The following ZNF548 variants were observed in gnomAD, a reference collection of about 807,000 sequenced individuals.
The protein encoded by ZNF548 is zinc finger protein 548.
Under a neutral mutation model 10.2 loss-of-function variants are expected in ZNF548, and 10 were observed. That is an observed-to-expected ratio of 0.98 (90% CI 0.60 to 1.66). The LOEUF (loss-of-function observed/expected upper bound fraction) is 1.66, where lower values mean the gene tolerates loss of function less well. Among genes scored for constraint, ZNF548 ranks in the 40% most tolerant of loss-of-function variants. The probability of loss-of-function intolerance (pLI) is 0.00; values close to 1 mark genes in which losing one functional copy is unlikely to be tolerated. For synonymous variants in ZNF548, 217 were observed against 223.5 expected, an observed-to-expected ratio of 0.97 and a Z score of 0.26; for missense variants, 599 against 657.0, an observed-to-expected ratio of 0.91 and a Z score of 0.97.
At chr19:57,397,392 C>T (rs566747951) in intron 3 of ZNF548, 1 of 626,362 alleles carries the variant, frequency 1.6e-6, no homozygotes, top group East Asian at 3.0e-5. Context: ...CAAGAAAGGG[C>T]TCAAGAGCCA....
rs375080359 is a variant in ZNF548, at chr19:57,394,252, C to T, written c.51+29C>T. 437 of 1,596,492 alleles carry T rather than the reference C, an allele frequency of 2.7e-4. 1 individual carries two copies. The African/African-American group carries it at 5.0e-3, about 18-fold the overall frequency. On this transcript the variant is annotated intron_variant, in intron 2 of 3. Transcript: ENST00000336128. The stretch of plus-strand genomic sequence containing the variant: ...AGTAGAGTGTTTCCTACTATTCACC[C>T]ACCCTGGTTATCTCCCAGATGGTTT...
rs1371903233 is a variant in ZNF548, at chr19:57,402,460, CTGTG to C, written c.*2573_*2576del. On this transcript the variant is annotated 3_prime_UTR_variant, in exon 4 of 4. Transcript: ENST00000336128. ...CCCCTGCAGCCTCAGGTTGCTGTTA[CTGTG>C]TTTCAGATGCAACCCTCTGTGGGAC... 2 of 152,218 alleles carry C rather than the reference CTGTG, an allele frequency of 1.3e-5. No individual in the cohort carries two copies. The highest frequency in any genetic ancestry group is 2.9e-5 in the Non-Finnish European group (2 of 68,054). 9.4% of individuals were successfully genotyped at this position (152,218 alleles called of 1,614,324 possible).
chr19:57,398,287 A>T, intron 3 of ZNF548, 143 bp from the exon 4 acceptor site: 35 of 1,410,698 alleles, frequency 2.5e-5, no homozygotes, highest in Non-Finnish European at 3.0e-5. Context: ...TGCATAGTGG[A>T]CCCTCCTCTC....
In ZNF548 at chr19:57,399,660, T is replaced by A. The variant is rs1391120328; in HGVS notation, c.1409T>A (p.Phe470Tyr). The A allele has an allele frequency of 1.9e-6, 3 of 1,614,036 alleles. No individual in the cohort carries two copies. The highest frequency in any genetic ancestry group is 1.6e-4 in the Middle Eastern group (1 of 6,062). Residue 470 changes from phenylalanine to tyrosine, a missense_variant, in exon 4 of 4, where the codon TTT (phenylalanine) becomes TAT (tyrosine). Phe to Tyr is a conservative substitution (Grantham distance 22). Transcript: ENST00000336128. The surrounding 1 kb of genome is among the most constrained non-coding windows in gnomAD (Gnocchi z 4.0). ...GAGTGCAGAGAGTGTGGGAAAGCCTTTAGCCACAAGCATATACTTGTTGAG... is the reference window on the plus strand; with the variant it reads ...GAGTGCAGAGAGTGTGGGAAAGCCTATAGCCACAAGCATATACTTGTTGAG... ...PYECRECGKA[F>Y]SHKHILVEHQ...
At chr19:57,396,282 C>T (rs1210684217) in intron 2 of ZNF548, among the ~76,000 whole-genome samples, 2 of 152,160 alleles carry the variant, frequency 1.3e-5, no homozygotes, top group African/African-American at 2.4e-5. Context: ...ATCTGGGTGA[C>T]TCCATGGCAA....
At position 57,399,219 on chromosome 19, in the gene ZNF548, G is replaced by T; in HGVS notation, c.968G>T (p.Cys323Phe). 1.2e-6 allele frequency: 2 copies of T among 1,614,184 alleles called. No homozygotes were observed. The highest frequency in any genetic ancestry group is 1.7e-6 in the Non-Finnish European group (2 of 1,180,040). The change falls in exon 4 of 4, where the codon TGC becomes TTC. Residue 323 changes from cysteine to phenylalanine, a missense_variant. Transcript: ENST00000336128. This position sits in a 1 kb window ranked among gnomAD's most constrained non-coding sequence, Gnocchi z 4.0. ...RVHTGERPYE[C>F]RECGKFFMDS... ...CACACCGGAGAAAGGCCGTATGAGT[G>T]CAGGGAATGTGGGAAATTCTTTATG...
In ZNF548 at chr19:57,400,859, TTC is replaced by T. The variant is rs1174302577; in HGVS notation, c.*972_*973del. 6.6e-6 allele frequency: 1 copy of T among 152,186 alleles called. No individual in the cohort carries two copies. The highest frequency in any genetic ancestry group is 1.9e-4 in the East Asian group (1 of 5,196). 9.4% of individuals were successfully genotyped at this position (152,186 alleles called of 1,614,324 possible). ...CTCACCAACATTGTTCATTTTCTAT[TTC>T]TGTTTTTGGGGTTTTTTGTAGTGCC... On this transcript the variant is annotated 3_prime_UTR_variant, in exon 4 of 4. Coordinates refer to ENST00000336128, the MANE Select transcript of ZNF548 (RefSeq NM_001172773.2).
rs1370055175 is a variant in ZNF548, at chr19:57,390,047, C to T, written c.-53C>T. ...GGGGACAGTGGCGTCCTTGTCTTGCCTTTGTCGCTCCCGCCCCGCTCTTCC... is the reference window on the plus strand; with the variant it reads ...GGGGACAGTGGCGTCCTTGTCTTGCTTTTGTCGCTCCCGCCCCGCTCTTCC... On this transcript the variant is annotated 5_prime_UTR_variant, in exon 1 of 4. Coordinates refer to ENST00000336128, the MANE Select transcript of ZNF548 (RefSeq NM_001172773.2). The T allele has an allele frequency of 1.6e-5, 25 of 1,601,980 alleles. No homozygotes were observed. Among genetic ancestry groups the T allele is most frequent in the Non-Finnish European group, 1.8e-5 (21 of 1,176,274 alleles).
At position 57,389,919 on chromosome 19, in the gene ZNF548, CTA is replaced by C; in HGVS notation, c.-179_-178del. 1 of 686,244 alleles carries C rather than the reference CTA, an allele frequency of 1.5e-6. No individual in the cohort carries two copies. 42.5% of individuals were successfully genotyped at this position (686,244 alleles called of 1,614,324 possible). A position where few individuals can be genotyped will look rare whatever the true frequency, so the allele number is the denominator to read the frequency against. On this transcript the variant is annotated 5_prime_UTR_variant, in exon 1 of 4. It removes an upstream start codon present in the reference 5' UTR. Coordinates refer to ENST00000336128, the MANE Select transcript of ZNF548 (RefSeq NM_001172773.2). ...TGTGTGGTGTTTCACCAACTTCGGC[CTA>C]TGGCTCTGTCTGACGTCACCGAAGT... is the stretch of plus-strand genomic sequence containing the variant.
In ZNF548 at chr19:57,390,136, C is replaced by T. The variant is rs878930366; in HGVS notation, c.15+22C>T. 3.7e-6 allele frequency: 6 copies of T among 1,605,448 alleles called. No individual in the cohort carries two copies. The South Asian group carries it at 5.5e-5, about 15-fold the overall frequency. On this transcript the variant is annotated intron_variant, in intron 1 of 3. Coordinates refer to ENST00000336128, the MANE Select transcript of ZNF548 (RefSeq NM_001172773.2). ...TGAGGTGGGTGTCCCGTCCCAGGCT[C>T]CCCCGCCCGACCGGTCCTCCCAGTG...
intron 1 of ZNF548, among the ~76,000 whole-genome samples, chr19:57,393,368 T>G (rs1196054899): frequency 1.3e-5 from 2 of 151,952 alleles, no homozygotes; most frequent in Non-Finnish European, 2.9e-5. Flanking sequence ...TATGTTAAAT[T>G]TCTAAAAGTG....
chr19:57,399,699 A>G lies in ZNF548; in HGVS notation c.1448A>G (p.His483Arg). 1.2e-6 allele frequency: 2 copies of G among 1,614,206 alleles called. No homozygotes were observed. The highest frequency in any genetic ancestry group is 1.7e-6 in the Non-Finnish European group (2 of 1,179,994). ...ATACTTGTTGAGCACCAGAAAATCCACAGTGGAGAAAGACCTTATGAGTGC... is the reference window on the plus strand; with the variant it reads ...ATACTTGTTGAGCACCAGAAAATCCGCAGTGGAGAAAGACCTTATGAGTGC... ...KHILVEHQKI[H>R]SGERPYECSE... Residue 483 changes from histidine to arginine, a missense_variant, in exon 4 of 4, where the codon CAC (histidine) becomes CGC (arginine). Coordinates refer to ENST00000336128, the MANE Select transcript of ZNF548 (RefSeq NM_001172773.2). This position sits in a 1 kb window ranked among gnomAD's most constrained non-coding sequence, Gnocchi z 4.0.
chr19:57,392,650 A>G (rs772577208), intron 1 of ZNF548: 8 of 373,188 alleles, frequency 2.1e-5, no homozygotes, highest in Admixed American at 6.4e-5. Flanking sequence ...CTATGTGTCT[A>G]TTTCTGCAGT....
Position 57,400,432 on chromosome 19 carries a change from T to TG in ZNF548, c.*543_*544insG, listed in dbSNP as rs1437412207. The TG allele has an allele frequency of 1.3e-5, 2 of 152,810 alleles. No homozygotes were observed. The highest frequency in any genetic ancestry group is 2.9e-5 in the Non-Finnish European group (2 of 68,606). The allele number at this position is 152,810 out of a possible 1,614,324, so 9.5% of individuals were successfully genotyped here. On this transcript the variant is annotated 3_prime_UTR_variant, in exon 4 of 4. Coordinates refer to ENST00000336128, the MANE Select transcript of ZNF548 (RefSeq NM_001172773.2). ...GCTGGATCATATAGGATTTCTATTT[T>TG]TTTTTTTTGTTTGTTTTTGAGACAG...
chr19:57,398,290 C>CGGG, intron 3 of ZNF548, 140 bp from the exon 4 acceptor site: 2 of 1,488,808 alleles, frequency 1.3e-6, no homozygotes, highest in Non-Finnish European at 1.8e-6. Context: ...ATAGTGGACC[C>CGGG]TCCTCTCACT....
chr19:57,392,320 GT>G (rs1481929824), intron 1 of ZNF548, among the ~76,000 whole-genome samples: 4 of 152,148 alleles, frequency 2.6e-5, no homozygotes, highest in African/African-American at 9.7e-5. Flanking sequence ...TTTTGTTTAT[GT>G]TGTTTATGCT....
chr19:57,398,113 C>T (rs2088680173), intron 3 of ZNF548, among the ~76,000 whole-genome samples: 1 of 152,214 alleles, frequency 6.6e-6, no homozygotes, highest in Non-Finnish European at 1.5e-5. Flanking sequence ...TGGAGAGAAC[C>T]TTCTACACAC....
At position 57,399,969 on chromosome 19, in the gene ZNF548, A is replaced by G; in HGVS notation, c.*80A>G. On this transcript the variant is annotated 3_prime_UTR_variant, in exon 4 of 4. Coordinates refer to ENST00000336128, the MANE Select transcript of ZNF548 (RefSeq NM_001172773.2). This position sits in a 1 kb window ranked among gnomAD's most constrained non-coding sequence, Gnocchi z 4.0. ...CTCCAGAACATTTTTCCTCTTACCA[A>G]GAAGTAAAATGCTGTACCCATTAAC... 2 of 1,205,868 alleles carry G rather than the reference A, an allele frequency of 1.7e-6. No homozygotes were observed. Among genetic ancestry groups the G allele is most frequent in the Non-Finnish European group, 2.3e-6 (2 of 883,990 alleles). 74.7% of individuals were successfully genotyped at this position (1,205,868 alleles called of 1,614,324 possible).
At position 57,401,363 on chromosome 19, in the gene ZNF548, A is replaced by AT. The variant is rs1177618041; in HGVS notation, c.*1480dup. 1.3e-5 allele frequency: 2 copies of AT among 152,196 alleles called. No individual in the cohort carries two copies. The highest frequency in any genetic ancestry group is 4.8e-5 in the African/African-American group (2 of 41,462). 9.4% of individuals were successfully genotyped at this position (152,196 alleles called of 1,614,324 possible). A position where few individuals can be genotyped will look rare whatever the true frequency, so the allele number is the denominator to read the frequency against. On this transcript the variant is annotated 3_prime_UTR_variant, in exon 4 of 4. Coordinates refer to ENST00000336128, the MANE Select transcript of ZNF548 (RefSeq NM_001172773.2). ...GCATCTGTACTAAACATGAACAGAC[A>AT]TTTTTTCTTGTCATTATTCCCTAAA...
Sources: allele counts gnomAD v4.1 joint callset (sites outside exome capture counted in the v4.1 genomes callset), GRCh38; gene constraint gnomAD v4.1.1; non-coding constraint Gnocchi (gnomAD v3.1); transcripts MANE v1.5; gene names NCBI Gene and HGNC (gene_info 2026-07-23, HGNC 2026-07-21).